SLC9A9: variants seen among roughly 807,000 people sequenced by gnomAD.
SLC9A9 encodes solute carrier family 9 member A9.
SLC9A9 carries 62 observed loss-of-function variants against 77.8 expected under a neutral mutation model. The ratio of observed to expected loss-of-function variants is 0.80; its 90% CI spans 0.65 to 0.98. The LOEUF is 0.98. Among genes scored for constraint, SLC9A9 ranks in the 50% least tolerant of loss-of-function variants. The pLI, the probability that SLC9A9 is intolerant of heterozygous loss-of-function variation, is 0.00. For synonymous variants in SLC9A9, 320 were observed against 283.5 expected, an observed-to-expected ratio of 1.13 and a Z score of -1.29; for missense variants, 775 against 774.9, an observed-to-expected ratio of 1.00 and a Z score of 0.00.
intron 14 of SLC9A9, among the ~76,000 whole-genome samples, chr3:143,287,101 T>TTGTGTGTGTG (rs3032423): frequency 3.5e-4 from 52 of 149,256 alleles, no homozygotes; most frequent in African/African-American, 1.2e-3. Flanking sequence ...CTGGTCCCAC[T>TTGTGTGTGTG]TGTGTGTGTG....
chr3:143,717,971 T>C (rs906399971), intron 4 of SLC9A9, among the ~76,000 whole-genome samples: 1 of 151,978 alleles, frequency 6.6e-6, no homozygotes, highest in Non-Finnish European at 1.5e-5. Flanking sequence ...GTGGATGCAA[T>C]ATTCTCAGTG....
chr3:143,585,457 C>T (rs540124938), intron 6 of SLC9A9, among the ~76,000 whole-genome samples: 9 of 152,306 alleles, frequency 5.9e-5, no homozygotes, highest in Non-Finnish European at 1.2e-4. Context: ...TTCCAGCTCT[C>T]CCTCTTTACA....
At chr3:143,526,656 T>C (rs891556152) in intron 9 of SLC9A9, among the ~76,000 whole-genome samples, 4 of 152,180 alleles carry the variant, frequency 2.6e-5, no homozygotes, top group Non-Finnish European at 5.9e-5. Flanking sequence ...GAGAACAATT[T>C]ATTCAACTTC....
intron 5 of SLC9A9, among the ~76,000 whole-genome samples, chr3:143,659,777 T>C (rs2038951819): frequency 6.6e-6 from 1 of 152,220 alleles, no homozygotes; most frequent in Middle Eastern, 3.2e-3. Flanking sequence ...ATTAACGTTA[T>C]TGATATAGTT....
At chr3:143,779,988 G>A (rs1211002005) in intron 4 of SLC9A9, among the ~76,000 whole-genome samples, 1 of 152,170 alleles carries the variant, frequency 6.6e-6, no homozygotes, top group East Asian at 1.9e-4. Flanking sequence ...ATTTCTCTGT[G>A]CTGGGATAAT....
chr3:143,280,552 T>C (rs1938185844), intron 14 of SLC9A9, among the ~76,000 whole-genome samples: 1 of 149,994 alleles, frequency 6.7e-6, no homozygotes, highest in African/African-American at 2.5e-5. Flanking sequence ...ATTTTTTTTT[T>C]TTTTTTTTTT....
At chr3:143,722,060 T>C (rs529286542) in intron 4 of SLC9A9, among the ~76,000 whole-genome samples, 2 of 152,240 alleles carry the variant, frequency 1.3e-5, no homozygotes, top group Non-Finnish European at 2.9e-5. Flanking sequence ...TCAGTATCTG[T>C]TAAATTTCAC....
chr3:143,626,627 G>A (rs11719597), intron 6 of SLC9A9, among the ~76,000 whole-genome samples: 46,156 of 149,482 alleles, frequency 0.31, 7,384 homozygotes, highest in African/African-American at 0.4. Flanking sequence ...GGGGTGGGGG[G>A]ATGGGGGAGG....
Position 143,304,451 on chromosome 3 carries a change from C to G in SLC9A9, c.1605-35471G>C, listed in dbSNP as rs375741268. ...GAACTGAGAGAGGAATCCAAAGCCT[C>G]TTGATAAGTTTGAGTTTTACAAGAG... On this transcript the variant is annotated intron_variant, in intron 14 of 15. Transcript: ENST00000316549. 1.4e-4 allele frequency among the ~76,000 whole-genome samples: 22 copies of G among 152,290 alleles called. 1 individual carries two copies. The South Asian group carries it at 4.6e-3, about 32-fold the overall frequency.
At chr3:143,385,908 C>T (rs992528777) in intron 12 of SLC9A9, among the ~76,000 whole-genome samples, 1 of 152,128 alleles carries the variant, frequency 6.6e-6, no homozygotes, top group Admixed American at 6.5e-5. Flanking sequence ...AAATACAGTC[C>T]CTGAGCTCTG....
intron 12 of SLC9A9, among the ~76,000 whole-genome samples, chr3:143,383,180 A>G (rs757311101): frequency 9.2e-5 from 14 of 152,236 alleles, no homozygotes. Flanking sequence ...CAGAGTCCCC[A>G]GTCTGGCTCA....
intron 4 of SLC9A9, among the ~76,000 whole-genome samples, chr3:143,758,911 T>G (rs927178060): frequency 6.6e-6 from 1 of 152,172 alleles, no homozygotes; most frequent in Non-Finnish European, 1.5e-5. Context: ...TCAAGGTAAC[T>G]GGATATTTTC....
intron 5 of SLC9A9, among the ~76,000 whole-genome samples, chr3:143,684,543 A>G (rs1488196128): frequency 2.6e-5 from 4 of 152,122 alleles, no homozygotes; most frequent in Non-Finnish European, 4.4e-5. Context: ...TATAAATACC[A>G]AGTTTCTTGA....
intron 14 of SLC9A9, among the ~76,000 whole-genome samples, chr3:143,358,116 A>G (rs1248353609): frequency 6.6e-6 from 1 of 150,682 alleles, no homozygotes; most frequent in Non-Finnish European, 1.5e-5. Flanking sequence ...TGCCCCTGAT[A>G]TTTATGTTTA....
chr3:143,806,740 G>T (rs984936522), intron 2 of SLC9A9, among the ~76,000 whole-genome samples: 3 of 151,586 alleles, frequency 2.0e-5, no homozygotes, highest in East Asian at 3.9e-4. Flanking sequence ...GTGGTGGTGG[G>T]GGGGGCAAGT....
chr3:143,383,680 G>C (rs1325398809), intron 12 of SLC9A9, among the ~76,000 whole-genome samples: 1 of 152,214 alleles, frequency 6.6e-6, no homozygotes, highest in Non-Finnish European at 1.5e-5. Context: ...GCTTCAGCTG[G>C]AGTGGGGCAG....
chr3:143,680,333 G>A (rs1933045054), intron 5 of SLC9A9, among the ~76,000 whole-genome samples: 1 of 152,006 alleles, frequency 6.6e-6, no homozygotes, highest in South Asian at 2.1e-4. Context: ...GAAACTGCTG[G>A]AAGGTTTATG....
intron 4 of SLC9A9, among the ~76,000 whole-genome samples, chr3:143,718,068 A>T (rs1934399748): frequency 6.7e-6 from 1 of 149,634 alleles, no homozygotes; most frequent in Non-Finnish European, 1.5e-5. Context: ...GTTAAAATCA[A>T]ATAGGTAATG....
chr3:143,753,704 G>T (rs2006822717), intron 4 of SLC9A9, among the ~76,000 whole-genome samples: 1 of 152,144 alleles, frequency 6.6e-6, no homozygotes, highest in South Asian at 2.1e-4. Context: ...GCATGGAGGG[G>T]ACTTAGTCCT....
Sources: allele counts gnomAD v4.1 joint callset (sites outside exome capture counted in the v4.1 genomes callset), GRCh38; gene constraint gnomAD v4.1.1; transcripts MANE v1.5; gene names NCBI Gene and HGNC (gene_info 2026-07-23, HGNC 2026-07-21).